The following NFATC2 variants were observed in gnomAD, a reference collection of about 807,000 sequenced individuals.
NFATC2 encodes nuclear factor of activated T cells 2, also known as nuclear factor of activated T-cells, cytoplasmic 2.
In NFATC2, 22 loss-of-function variants were observed where a neutral mutation model predicts 87.3. That is an observed-to-expected ratio of 0.25 (90% CI 0.18 to 0.36). The LOEUF (loss-of-function observed/expected upper bound fraction) is 0.36, where lower values mean the gene tolerates loss of function less well. Among genes scored for constraint, NFATC2 ranks in the 10% least tolerant of loss-of-function variants. NFATC2 has a pLI of 1.00. For synonymous variants in NFATC2, 565 were observed against 542.2 expected (o/e 1.04, Z -0.58); for missense variants, 1,149 against 1,259.1 (o/e 0.91, Z 1.32).
intron 8 of NFATC2, among the ~76,000 whole-genome samples, chr20:51,434,503 C>T (rs751564326): frequency 1.3e-5 from 2 of 152,178 alleles, no homozygotes; most frequent in Non-Finnish European, 2.9e-5. Context: ...ACCTTTTCTA[C>T]AGCCCCAATC....
Position 51,432,581 on chromosome 20 carries a change from T to C in NFATC2, c.2208A>G (p.Ser736=), listed in dbSNP as rs746830932. 1 of 1,532,738 alleles carries C rather than the reference T, an allele frequency of 6.5e-7. No homozygotes were observed. Among genetic ancestry groups the C allele is most frequent in the East Asian group, 2.3e-5 (1 of 44,134 alleles). 94.9% of individuals were successfully genotyped at this position (1,532,738 alleles called of 1,614,324 possible). ...GTTGCTGGTAGCGGGCGTCAGGGGA[T>C]GAGAGCCCCGTGCGGAACTGCTGGC... The part of the protein sequence containing the change: ...APCQQFRTGL[S]SPDARYQQQN... The change falls in exon 9 of 11, where the codon TCA becomes TCG. Residue 736 remains serine, a synonymous_variant. Transcript: ENST00000371564. This position sits in a 1 kb window ranked among gnomAD's most constrained non-coding sequence, Gnocchi z 4.6.
chr20:51,503,096 C>T (rs1367414907), intron 3 of NFATC2, among the ~76,000 whole-genome samples: 6 of 152,126 alleles, frequency 3.9e-5, no homozygotes, highest in African/African-American at 1.4e-4. Context: ...CAAGCACAAA[C>T]ACAGACTATC....
chr20:51,493,004 T>A (rs2075923361), intron 3 of NFATC2, among the ~76,000 whole-genome samples: 1 of 152,212 alleles, frequency 6.6e-6, no homozygotes, highest in Non-Finnish European at 1.5e-5. Context: ...CCTCCCAGCC[T>A]GGGCCTCTGG....
intron 9 of NFATC2, among the ~76,000 whole-genome samples, chr20:51,416,170 G>A (rs1312250819): frequency 3.3e-5 from 5 of 152,118 alleles, no homozygotes; most frequent in African/African-American, 1.2e-4. Context: ...ACTGAGGCAG[G>A]AGAATCACTT....
chr20:51,417,172 G>A (rs559654309), intron 9 of NFATC2, among the ~76,000 whole-genome samples: 10 of 152,188 alleles, frequency 6.6e-5, no homozygotes, highest in African/African-American at 9.6e-5. Flanking sequence ...CATCTAAGAT[G>A]CAGAGATGAC....
intron 3 of NFATC2, among the ~76,000 whole-genome samples, chr20:51,490,295 A>C (rs1462233306): frequency 6.6e-6 from 1 of 152,214 alleles, no homozygotes; most frequent in African/African-American, 2.4e-5. Flanking sequence ...CAGAGAAATT[A>C]GTTTGTTCAA....
chr20:51,457,678 G>A (rs573463775), intron 5 of NFATC2, among the ~76,000 whole-genome samples: 1 of 108,678 alleles, frequency 9.2e-6, no homozygotes, highest in South Asian at 3.2e-4. Context: ...TCCAAGTGCA[G>A]GCCAGGGGCC....
In NFATC2 at chr20:51,475,644, T is replaced by C; in HGVS notation, c.1349A>G (p.Glu450Gly). 8 of 1,614,142 alleles carry C rather than the reference T, an allele frequency of 5.0e-6. No individual in the cohort carries two copies. The highest frequency in any genetic ancestry group is 1.3e-5 in the African/African-American group (1 of 75,044). ...HPVVQLHGYM[E>G]NKPLGLQIFI... ...GATCTGAAGTCCCAGAGGCTTGTTT[T>C]CCATGTAGCCATGGAGCTGGTGGGG... is the stretch of plus-strand genomic sequence containing the variant. The change falls in exon 4 of 11, where the codon GAA becomes GGA. Residue 450 changes from glutamate to glycine, a missense_variant. Glu to Gly is a moderately conservative substitution (Grantham distance 98). Around this residue, in one of 3 missense-constraint regions of NFATC2, gnomAD observed 581 missense variants for 649.7 expected, o/e 0.89. Coordinates refer to ENST00000371564, the MANE Select transcript of NFATC2 (RefSeq NM_012340.5).
chr20:51,468,832 C>A (rs1987937266), intron 5 of NFATC2, among the ~76,000 whole-genome samples: 1 of 152,210 alleles, frequency 6.6e-6, no homozygotes, highest in Non-Finnish European at 1.5e-5. Context: ...CCTTGAGGAG[C>A]CATCTAAACA....
intron 5 of NFATC2, among the ~76,000 whole-genome samples, chr20:51,463,712 C>T (rs186635807): frequency 7.6e-4 from 115 of 152,312 alleles, no homozygotes; most frequent in African/African-American, 2.3e-3. Context: ...AGCCTGCAGG[C>T]GCCCACACCC....
Position 51,523,385 on chromosome 20 carries a change from G to T in NFATC2, c.856C>A (p.Gln286Lys). ...TACCCAGCCGGGGAGCCGTGGTCCT[G>T]GGGTGCCACGTGAGATGAGGGCTGC... ...SPQPSSHVAP[Q>K]DHGSPAGYPP... The change falls in exon 2 of 11, where the codon CAG becomes AAG. Residue 286 changes from glutamine (Q) to lysine (K), a missense_variant. Transcript: ENST00000371564. This position sits in a 1 kb window ranked among gnomAD's most constrained non-coding sequence, Gnocchi z 6.9. 1 of 1,610,650 alleles carries T rather than the reference G, an allele frequency of 6.2e-7. No individual in the cohort carries two copies. The highest frequency in any genetic ancestry group is 8.5e-7 in the Non-Finnish European group (1 of 1,178,292).
Position 51,456,226 on chromosome 20 carries a change from T to C in NFATC2, c.1709-1538A>G, listed in dbSNP as rs1986527434. 3.3e-5 allele frequency among the ~76,000 whole-genome samples: 5 copies of C among 152,188 alleles called. No homozygotes were observed. In the South Asian group the frequency reaches 1.0e-3, roughly 31 times the overall value. Reference sequence around the variant, plus strand: ...ATCTATTTACATCTATGTCCTCATCTATACTTTAATAAATGAAAAATGGAG... The same window carrying C: ...ATCTATTTACATCTATGTCCTCATCCATACTTTAATAAATGAAAAATGGAG... On this transcript the variant is annotated intron_variant, in intron 5 of 10. Transcript: ENST00000371564.
At chr20:51,486,136 G>T (rs942416872) in intron 3 of NFATC2, among the ~76,000 whole-genome samples, 1 of 151,972 alleles carries the variant, frequency 6.6e-6, no homozygotes, top group Non-Finnish European at 1.5e-5. Flanking sequence ...GCTTGAACCC[G>T]GGAGGCAGAG....
intron 6 of NFATC2, among the ~76,000 whole-genome samples, 196 bp from the exon 7 acceptor site, chr20:51,435,957 G>A (rs1218086918): frequency 6.6e-6 from 1 of 152,162 alleles, no homozygotes; most frequent in Non-Finnish European, 1.5e-5. Flanking sequence ...GAGACATGGT[G>A]TCAATAGAAA....
intron 9 of NFATC2, among the ~76,000 whole-genome samples, chr20:51,427,144 G>T (rs567099455): frequency 1.3e-5 from 2 of 152,058 alleles, no homozygotes; most frequent in African/African-American, 4.8e-5. Context: ...TCTCATCTGT[G>T]GCTGAGTCTC....
chr20:51,537,614 G>T (rs1370126079), intron 1 of NFATC2, among the ~76,000 whole-genome samples: 1 of 152,206 alleles, frequency 6.6e-6, no homozygotes, highest in Non-Finnish European at 1.5e-5. Context: ...GGTGACCAGG[G>T]ATTCCCAGTA....
In NFATC2 at chr20:51,524,234, A is replaced by G. The variant is rs45603336; in HGVS notation, c.131-124T>C. ...TTTTTTCAAATTCCCACCATGCCAA[A>G]CCCCAAGCTAGAAGCTCCGTCCCTC... On this transcript the variant is annotated intron_variant, in intron 1 of 10. Coordinates refer to ENST00000371564, the MANE Select transcript of NFATC2 (RefSeq NM_012340.5). This position sits in a 1 kb window ranked among gnomAD's most constrained non-coding sequence, Gnocchi z 4.0. The G allele has an allele frequency of 0.028, 24,854 of 892,894 alleles. 1,210 individuals carry two copies. The highest frequency in any genetic ancestry group is 0.18 in the African/African-American group (10,501 of 57,066). The allele number at this position is 892,894 out of a possible 1,614,324, so 55.3% of individuals were successfully genotyped here. A position where few individuals can be genotyped will look rare whatever the true frequency, so the allele number is the denominator to read the frequency against.
At chr20:51,445,135 C>A (rs1568987267) in intron 6 of NFATC2, among the ~76,000 whole-genome samples, 1 of 152,226 alleles carries the variant, frequency 6.6e-6, no homozygotes, top group Non-Finnish European at 1.5e-5. Context: ...CCAACAACTA[C>A]CTGTTGCTTT....
At chr20:51,397,696 C>A (rs962626912) in intron 10 of NFATC2, among the ~76,000 whole-genome samples, 1 of 152,134 alleles carries the variant, frequency 6.6e-6, no homozygotes, top group Admixed American at 6.5e-5. Flanking sequence ...TGCTCCTCCC[C>A]CCAGGGCTTC....
Sources: gnomAD v4.1 joint callset for allele counts (sites outside exome capture counted in the v4.1 genomes callset) on GRCh38, gnomAD v4.1.1 for gene constraint, gnomAD v4.1.1 regional missense constraint, Gnocchi (gnomAD v3.1) non-coding constraint, MANE v1.5 for transcripts, NCBI Gene and HGNC (gene_info 2026-07-23, HGNC 2026-07-21) for gene names.